TTC1: variants seen among roughly 807,000 people sequenced by gnomAD.
The protein encoded by TTC1 is tetratricopeptide repeat domain 1, also known as tetratricopeptide repeat protein 1.
A neutral mutation model predicts 37.6 loss-of-function variants in TTC1; 31 were observed. That is an observed-to-expected ratio of 0.82 (90% CI 0.62 to 1.11). The LOEUF (loss-of-function observed/expected upper bound fraction) is 1.11. Among genes scored for constraint, TTC1 ranks in the 50% most tolerant of loss-of-function variants. The pLI, the probability that TTC1 is intolerant of heterozygous loss-of-function variation, is 0.00. For missense variants in TTC1, 351 were observed against 339.0 expected (o/e 1.04, Z -0.28); for synonymous variants, 127 against 122.4 (o/e 1.04, Z -0.25).
intron 2 of TTC1, 112 bp downstream of exon 2, chr5:160,010,970 GTCT>G (rs1561623183): frequency 2.0e-6 from 2 of 1,019,494 alleles, no homozygotes; most frequent in African/African-American, 3.3e-5. Context: ...TTGCCCCTTT[GTCT>G]TCTTATGGCT....
chr5:160,010,630 T>G lies in TTC1; in HGVS notation c.102T>G (p.Pro34=). Residue 34 remains proline, a synonymous_variant, in exon 2 of 8, where the codon CCT becomes CCG. Coordinates refer to ENST00000231238, the MANE Select transcript of TTC1 (RefSeq NM_003314.3). ...CCGAGTGTGCTGGCCCTCCAGTTCC[T>G]GATCCCAAAAATCAGCATTCCCAGA... The part of the protein sequence containing the change: ...QEAECAGPPV[P]DPKNQHSQSK... 8 of 1,614,098 alleles carry G rather than the reference T, an allele frequency of 5.0e-6. No individual in the cohort carries two copies. Among genetic ancestry groups the G allele is most frequent in the Non-Finnish European group, 6.8e-6 (8 of 1,179,996 alleles).
At position 160,057,298 on chromosome 5, in the gene TTC1, A is replaced by G. The variant is rs1235820247; in HGVS notation, c.745+6115A>G. Reference sequence around the variant, plus strand: ...TCAGAGATGTTGCAGGTTCAGTTCCAGACCAGCACAATAAAGCGAGTCACA... The same window carrying G: ...TCAGAGATGTTGCAGGTTCAGTTCCGGACCAGCACAATAAAGCGAGTCACA... On this transcript the variant is annotated intron_variant, in intron 7 of 7. Coordinates refer to ENST00000231238, the MANE Select transcript of TTC1 (RefSeq NM_003314.3). The surrounding 1 kb of genome is among the most constrained non-coding windows in gnomAD (Gnocchi z 4.4). Among the ~76,000 whole-genome samples, 1 of 152,216 alleles carries G rather than the reference A, an allele frequency of 6.6e-6. No homozygotes were observed. The highest frequency in any genetic ancestry group is 1.5e-5 in the Non-Finnish European group (1 of 68,042).
chr5:160,051,145 T>C lies in TTC1; in HGVS notation c.707T>C (p.Ile236Thr), dbSNP rs1757394243. The C allele has an allele frequency of 6.2e-7, 1 of 1,609,786 alleles. No homozygotes were observed. Among genetic ancestry groups the C allele is most frequent in the Non-Finnish European group, 8.5e-7 (1 of 1,177,718 alleles). The change falls in exon 7 of 8, where the codon ATT (isoleucine) becomes ACT (threonine). Residue 236 changes from isoleucine to threonine, a missense_variant. Coordinates refer to ENST00000231238, the MANE Select transcript of TTC1 (RefSeq NM_003314.3). Reference sequence around the variant, plus strand: ...TTTCCTCAGAGATTACCTAAGCAAATTGAAGAACGTAATGAAAGACTAAAA... The same window carrying C: ...TTTCCTCAGAGATTACCTAAGCAAACTGAAGAACGTAATGAAAGACTAAAA... ...REACMRLPKQIEERNERLKEE... is the reference protein window; with the variant it reads ...REACMRLPKQTEERNERLKEE...
chr5:160,027,384 T>C (rs1189561021), intron 2 of TTC1, among the ~76,000 whole-genome samples: 2 of 152,218 alleles, frequency 1.3e-5, no homozygotes, highest in Admixed American at 6.5e-5. Flanking sequence ...GAAGCTTTGC[T>C]TTAGCATAGC....
At chr5:160,056,931 C>G (rs1006116748) in intron 7 of TTC1, among the ~76,000 whole-genome samples, 10 of 152,228 alleles carry the variant, frequency 6.6e-5, no homozygotes, top group African/African-American at 2.4e-4. Flanking sequence ...TGTTACCACC[C>G]CTCTTAAAGC....
intron 2 of TTC1, among the ~76,000 whole-genome samples, chr5:160,025,545 C>T (rs925260648): frequency 4.6e-5 from 7 of 152,182 alleles, no homozygotes; most frequent in African/African-American, 1.7e-4. Context: ...AGTGTCATCC[C>T]CTTTTCAAAT....
At chr5:160,021,642 A>T (rs763267865) in intron 2 of TTC1, among the ~76,000 whole-genome samples, 1 of 152,224 alleles carries the variant, frequency 6.6e-6, no homozygotes, top group Non-Finnish European at 1.5e-5. Flanking sequence ...GAGGACCTGT[A>T]AAGGTGACTT....
chr5:160,061,680 A>AGT (rs1753414207), intron 7 of TTC1: 2 of 151,978 alleles, frequency 1.3e-5, no homozygotes, highest in South Asian at 4.2e-4. Flanking sequence ...TTCCCCCTTA[A>AGT]GTGATGGTCG....
chr5:160,042,269 GTCAC>G (rs1393131312), intron 4 of TTC1, among the ~76,000 whole-genome samples: 1 of 152,198 alleles, frequency 6.6e-6, no homozygotes, highest in African/African-American at 2.4e-5. Flanking sequence ...CAGTTTGGCT[GTCAC>G]TGCTGTGAAA....
intron 2 of TTC1, among the ~76,000 whole-genome samples, chr5:160,022,494 A>G (rs2113351938): frequency 6.6e-6 from 1 of 152,372 alleles, no homozygotes; most frequent in East Asian, 1.9e-4. Context: ...AATCCATTTG[A>G]AGCTCTTAGC....
intron 2 of TTC1, among the ~76,000 whole-genome samples, chr5:160,022,434 A>G (rs557422277): frequency 2.0e-5 from 3 of 152,298 alleles, no homozygotes; most frequent in East Asian, 3.9e-4. Flanking sequence ...TTTTGTTGTC[A>G]ATTAAAAAAT....
intron 7 of TTC1, among the ~76,000 whole-genome samples, chr5:160,056,659 G>C (rs1362990149): frequency 6.6e-6 from 1 of 152,206 alleles, no homozygotes; most frequent in Non-Finnish European, 1.5e-5. Flanking sequence ...GGAGATCAAA[G>C]CTGCAGTGAG....
At chr5:160,052,756 T>A (rs1757438364) in intron 7 of TTC1, among the ~76,000 whole-genome samples, 1 of 152,144 alleles carries the variant, frequency 6.6e-6, no homozygotes. Context: ...CTTCCATTTG[T>A]CCTTGTCTTT....
At chr5:160,027,268 A>G (rs1756824131) in intron 2 of TTC1, among the ~76,000 whole-genome samples, 1 of 152,202 alleles carries the variant, frequency 6.6e-6, no homozygotes, top group Admixed American at 6.5e-5. Flanking sequence ...AGTTCAAGCG[A>G]TCTGCCTACC....
At chr5:160,016,899 T>A (rs1756615767) in intron 2 of TTC1, among the ~76,000 whole-genome samples, 1 of 152,206 alleles carries the variant, frequency 6.6e-6, no homozygotes, top group Non-Finnish European at 1.5e-5. Context: ...TAATTCACGC[T>A]CAAGTGTAGT....
At chr5:160,025,604 A>G (rs1243093426) in intron 2 of TTC1, among the ~76,000 whole-genome samples, 1 of 152,236 alleles carries the variant, frequency 6.6e-6, no homozygotes, top group Non-Finnish European at 1.5e-5. Flanking sequence ...TTTCTTTAGA[A>G]CTATGAAGCA....
At chr5:160,016,100 G>A (rs1054925965) in intron 2 of TTC1, among the ~76,000 whole-genome samples, 1 of 152,128 alleles carries the variant, frequency 6.6e-6, no homozygotes, top group Non-Finnish European at 1.5e-5. Flanking sequence ...AATCTTGGCC[G>A]GGTGCAGTGG....
At chr5:160,060,578 G>A (rs1182618356) in intron 7 of TTC1, among the ~76,000 whole-genome samples, 1 of 152,230 alleles carries the variant, frequency 6.6e-6, no homozygotes, top group East Asian at 1.9e-4. Context: ...AGATAGGGAA[G>A]ACAGAATTTG....
chr5:160,046,352 T>C (rs1284198107), intron 5 of TTC1, among the ~76,000 whole-genome samples: 2 of 152,218 alleles, frequency 1.3e-5, no homozygotes, highest in Non-Finnish European at 2.9e-5. Flanking sequence ...AAATTCTCTC[T>C]CTTAAATTTA....
Sources: gnomAD v4.1 joint callset for allele counts (sites outside exome capture counted in the v4.1 genomes callset) on GRCh38, gnomAD v4.1.1 for gene constraint, Gnocchi (gnomAD v3.1) non-coding constraint, MANE v1.5 for transcripts, NCBI Gene and HGNC (gene_info 2026-07-23, HGNC 2026-07-21) for gene names.